The following TMEM182 variants were observed in gnomAD, a reference collection of about 807,000 sequenced individuals.
The protein encoded by TMEM182 is transmembrane protein 182.
TMEM182 carries 20 observed loss-of-function variants against 26.8 expected under a neutral mutation model. The ratio of observed to expected loss-of-function variants is 0.75; its 90% CI spans 0.53 to 1.09. TMEM182 has a LOEUF of 1.09. TMEM182 is among the 50% of genes least tolerant of loss of function. The pLI is 0.00. For missense variants in TMEM182, 277 were observed against 275.5 expected (o/e 1.01, Z -0.04); for synonymous variants, 109 against 102.2 (o/e 1.07, Z -0.40).
chr2:102,788,245 C>A (rs553078195), intron 3 of TMEM182, among the ~76,000 whole-genome samples: 79 of 152,290 alleles, frequency 5.2e-4, no homozygotes, highest in Non-Finnish European at 9.6e-4. Context: ...TAGGGGTCCT[C>A]ATTCAGCTGG....
rs555078356 is a variant in TMEM182, at chr2:102,778,355, A to G, written c.331+13928A>G. On this transcript the variant is annotated intron_variant, in intron 3 of 4. Coordinates refer to ENST00000412401, the MANE Select transcript of TMEM182 (RefSeq NM_144632.5). ...TTAATTAATATTTGAATGATATAAC[A>G]CTTTTTCATTCTTTACCTTCAACTT... Among the ~76,000 whole-genome samples the G allele has an allele frequency of 2.2e-3, 338 of 151,988 alleles. 1 individual carries two copies. The highest frequency in any genetic ancestry group is 4.2e-3 in the Non-Finnish European group (282 of 67,864).
intron 3 of TMEM182, among the ~76,000 whole-genome samples, chr2:102,782,647 G>A (rs1235642679): frequency 1.3e-5 from 2 of 152,074 alleles, no homozygotes; most frequent in African/African-American, 2.4e-5. Flanking sequence ...AAAGATCGGC[G>A]AGCTGCCTCC....
At chr2:102,809,173 A>G (rs1682457209) in intron 4 of TMEM182, among the ~76,000 whole-genome samples, 1 of 152,208 alleles carries the variant, frequency 6.6e-6, no homozygotes. Context: ...GTATGGGCTG[A>G]TTTAAGAAAT....
intron 4 of TMEM182, among the ~76,000 whole-genome samples, chr2:102,801,632 G>A (rs759475643): frequency 2.6e-5 from 4 of 152,226 alleles, no homozygotes; most frequent in East Asian, 3.9e-4. Flanking sequence ...TCATTGTGCC[G>A]CTTAGATAAA....
Position 102,815,598 on chromosome 2 carries a change from C to T in TMEM182, c.*630C>T. ...TGGTTTGGTTACCTAGTTTTATTCA[C>T]TTAATTGTGCATGCTTACATAAACT... On this transcript the variant is annotated 3_prime_UTR_variant, in exon 5 of 5. Coordinates refer to ENST00000412401, the MANE Select transcript of TMEM182 (RefSeq NM_144632.5). 1 of 985,486 alleles carries T rather than the reference C, an allele frequency of 1.0e-6. No homozygotes were observed. The highest frequency in any genetic ancestry group is 1.2e-6 in the Non-Finnish European group (1 of 829,974). 61.0% of individuals were successfully genotyped at this position (985,486 alleles called of 1,614,324 possible).
chr2:102,750,326 G>A (rs1301286608), intron 1 of TMEM182, among the ~76,000 whole-genome samples: 1 of 152,166 alleles, frequency 6.6e-6, no homozygotes, highest in Non-Finnish European at 1.5e-5. Context: ...TATAATGTAT[G>A]AGATTTGAAA....
chr2:102,779,161 C>A (rs1193121765), intron 3 of TMEM182, among the ~76,000 whole-genome samples: 1 of 151,872 alleles, frequency 6.6e-6, no homozygotes, highest in African/African-American at 2.4e-5. Context: ...TTTTTCCTGA[C>A]CTTCCTGGTT....
intron 4 of TMEM182, among the ~76,000 whole-genome samples, chr2:102,802,805 G>C (rs1336033037): frequency 6.6e-6 from 1 of 152,180 alleles, no homozygotes; most frequent in East Asian, 1.9e-4. Flanking sequence ...TGGACACTCA[G>C]GACACTGGCA....
At chr2:102,800,963 C>T (rs1276916796) in intron 4 of TMEM182, among the ~76,000 whole-genome samples, 3 of 152,046 alleles carry the variant, frequency 2.0e-5, no homozygotes, top group Non-Finnish European at 4.4e-5. Context: ...ATTTAATGTA[C>T]TCATATATCC....
downstream of TMEM182, among the ~76,000 whole-genome samples, chr2:102,821,518 T>A (rs547902391): frequency 6.6e-6 from 1 of 152,204 alleles, no homozygotes; most frequent in East Asian, 1.9e-4. Context: ...TTCCCTGAGT[T>A]CTCCCTAGAA....
At chr2:102,764,704 A>G (rs1449384093) in intron 3 of TMEM182, among the ~76,000 whole-genome samples, 1 of 152,122 alleles carries the variant, frequency 6.6e-6, no homozygotes, top group East Asian at 1.9e-4. Flanking sequence ...AATATTTATT[A>G]AGAAGAACCG....
intron 3 of TMEM182, among the ~76,000 whole-genome samples, chr2:102,796,187 C>T (rs1053293232): frequency 2.6e-5 from 4 of 152,296 alleles, no homozygotes; most frequent in South Asian, 2.1e-4. Flanking sequence ...GTTCCCCATT[C>T]GCTTGCCTTC....
chr2:102,775,342 T>G (rs1680865155), intron 3 of TMEM182: 1 of 152,186 alleles, frequency 6.6e-6, no homozygotes, highest in African/African-American at 2.4e-5. Context: ...TCAACAACAC[T>G]TCATGCTAAA....
At chr2:102,765,437 A>C (rs1280317738) in intron 3 of TMEM182, among the ~76,000 whole-genome samples, 1 of 152,174 alleles carries the variant, frequency 6.6e-6, no homozygotes, top group African/African-American at 2.4e-5. Context: ...GGTAGGGGGT[A>C]ATCTGCTCTA....
chr2:102,811,579 T>C (rs1410269639), intron 4 of TMEM182, among the ~76,000 whole-genome samples: 2 of 152,214 alleles, frequency 1.3e-5, no homozygotes, highest in Non-Finnish European at 2.9e-5. Flanking sequence ...AATTCTGCCA[T>C]CCCTCTACAC....
chr2:102,824,789 A>G (rs1309954520), intron 3 of TMEM182, among the ~76,000 whole-genome samples: 2 of 152,152 alleles, frequency 1.3e-5, no homozygotes, highest in African/African-American at 2.4e-5. Flanking sequence ...ATCACACCAC[A>G]GCACTCCAGC....
chr2:102,807,466 G>A (rs1682390866), intron 4 of TMEM182, among the ~76,000 whole-genome samples: 1 of 152,186 alleles, frequency 6.6e-6, no homozygotes, highest in African/African-American at 2.4e-5. Context: ...GCATACTAAT[G>A]TAAAGAAGAG....
intron 1 of TMEM182, among the ~76,000 whole-genome samples, chr2:102,744,184 T>C (rs1679622053): frequency 6.6e-6 from 1 of 152,176 alleles, no homozygotes; most frequent in East Asian, 1.9e-4. Context: ...TTAACAAGTT[T>C]AAAAGAATAG....
At chr2:102,817,777 GTAT>G (rs1682806151), downstream of TMEM182, 1 of 903,228 alleles carries the variant, frequency 1.1e-6, no homozygotes, top group South Asian at 5.1e-5. Flanking sequence ...GTGTGCATGT[GTAT>G]TATATGTTTG....
Sources: allele counts gnomAD v4.1 joint callset (sites outside exome capture counted in the v4.1 genomes callset), GRCh38; gene constraint gnomAD v4.1.1; transcripts MANE v1.5; gene names NCBI Gene and HGNC (gene_info 2026-07-23, HGNC 2026-07-21).